The following TSHZ2 variants were observed in gnomAD, a reference collection of about 807,000 sequenced individuals.
The protein encoded by TSHZ2 is teashirt homolog 2.
A neutral mutation model predicts 74.4 loss-of-function variants in TSHZ2; 21 were observed. The observed-to-expected ratio is 0.28, with a 90% CI of 0.20 to 0.41. The LOEUF (loss-of-function observed/expected upper bound fraction) is 0.41. TSHZ2 is among the 10% of genes least tolerant of loss of function. TSHZ2 has a pLI of 1.00. For synonymous variants in TSHZ2, 540 were observed against 515.3 expected, an observed-to-expected ratio of 1.05 and a Z score of -0.65; for missense variants, 1,244 against 1,293.5, an observed-to-expected ratio of 0.96 and a Z score of 0.59.
At chr20:52,992,313 G>C (rs558866975) in intron 1 of TSHZ2, among the ~76,000 whole-genome samples, 141 of 152,296 alleles carry the variant, frequency 9.3e-4, no homozygotes, top group Middle Eastern at 6.8e-3. Flanking sequence ...GGAATATTTA[G>C]ATACCCCAGT....
intron 2 of TSHZ2, among the ~76,000 whole-genome samples, chr20:53,300,255 C>T (rs976656562): frequency 1.3e-5 from 2 of 152,144 alleles, no homozygotes; most frequent in East Asian, 1.9e-4. Context: ...AAATGTCAAA[C>T]CTTAGGATGT....
chr20:53,185,802 C>T, intron 1 of TSHZ2: 1 of 1,184,728 alleles, frequency 8.4e-7, no homozygotes, highest in African/African-American at 1.5e-5. Context: ...TAATCCCTTG[C>T]TTGTATCAGT....
chr20:53,051,898 G>A (rs948879541), intron 1 of TSHZ2, among the ~76,000 whole-genome samples: 1 of 152,196 alleles, frequency 6.6e-6, no homozygotes, highest in Non-Finnish European at 1.5e-5. Flanking sequence ...GTGGATGGAT[G>A]TGAAAACCGA....
intron 1 of TSHZ2, among the ~76,000 whole-genome samples, chr20:53,212,675 T>C (rs1989341164): frequency 6.6e-6 from 1 of 152,222 alleles, no homozygotes; most frequent in South Asian, 2.1e-4. Context: ...ATCTCAAGTG[T>C]GGCTGGATTC....
chr20:53,105,436 G>A (rs1196193917), intron 1 of TSHZ2, among the ~76,000 whole-genome samples: 1 of 152,056 alleles, frequency 6.6e-6, no homozygotes, highest in African/African-American at 2.4e-5. Context: ...ACTGCTTTCA[G>A]ATATTGCCAA....
In TSHZ2 at chr20:53,364,511, TCA is replaced by T. The variant is rs147682449; in HGVS notation, c.*8+107943_*8+107944del. ...GGGAAGAATGTAGAAAGAAAACAAA[TCA>T]CAGATTAGGATTACCCAGCCCCACT... is the stretch of plus-strand genomic sequence containing the variant. On this transcript the variant is annotated intron_variant, in intron 2 of 2. Coordinates refer to ENST00000371497, the MANE Select transcript of TSHZ2 (RefSeq NM_173485.6). Among the ~76,000 whole-genome samples the T allele has an allele frequency of 4.2e-3, 644 of 152,250 alleles. 8 individuals carry two copies. Among genetic ancestry groups the T allele is most frequent in the African/African-American group, 0.015 (621 of 41,552 alleles).
At chr20:53,082,180 A>G (rs765508651) in intron 1 of TSHZ2, among the ~76,000 whole-genome samples, 1 of 152,212 alleles carries the variant, frequency 6.6e-6, no homozygotes, top group Non-Finnish European at 1.5e-5. Flanking sequence ...GCCTTCACTC[A>G]AGATGACCCA....
In TSHZ2 at chr20:53,084,147, G is replaced by A. The variant is rs190103231; in HGVS notation, c.40+110814G>A. 4.5e-3 allele frequency among the ~76,000 whole-genome samples: 686 copies of A among 152,160 alleles called. 3 individuals carry two copies. The highest frequency in any genetic ancestry group is 0.016 in the African/African-American group (648 of 41,528). On this transcript the variant is annotated intron_variant, in intron 1 of 2. Transcript: ENST00000371497. ...TTATAACCCAGGAAAAGTAAAGAAC[G>A]ACAAAATACACAGCAATTACTCAAA...
chr20:53,483,062 CAGG>C (rs1986199841), intron 2 of TSHZ2, among the ~76,000 whole-genome samples: 1 of 152,186 alleles, frequency 6.6e-6, no homozygotes, highest in Admixed American at 6.5e-5. Context: ...TGGTGGGATC[CAGG>C]AGACTTCTCC....
chr20:53,332,417 G>T (rs2145551075), intron 2 of TSHZ2, among the ~76,000 whole-genome samples: 1 of 152,290 alleles, frequency 6.6e-6, no homozygotes, highest in East Asian at 1.9e-4. Flanking sequence ...GAAAAGGCAA[G>T]AAGAATGAAA....
rs537782815 is a variant in TSHZ2, at chr20:53,484,418, C to G, written c.*9-2726C>G. ...TTTTTTTTTTTAAGACAGAGTCTCACTCTGTTGCCCAAGCTGGAATGCAGT... is the reference window on the plus strand; with the variant it reads ...TTTTTTTTTTTAAGACAGAGTCTCAGTCTGTTGCCCAAGCTGGAATGCAGT... On this transcript the variant is annotated intron_variant, in intron 2 of 2. Transcript: ENST00000371497. 5.6e-5 allele frequency among the ~76,000 whole-genome samples: 8 copies of G among 143,480 alleles called. No individual in the cohort carries two copies. The East Asian group carries it at 1.0e-3, about 19-fold the overall frequency. 94.1% of individuals were successfully genotyped at this position (143,480 alleles called of 152,430 possible).
At chr20:53,375,643 A>G (rs1331685900) in intron 2 of TSHZ2, among the ~76,000 whole-genome samples, 1 of 151,734 alleles carries the variant, frequency 6.6e-6, no homozygotes, top group Admixed American at 6.6e-5. Flanking sequence ...TGCTTTTCCC[A>G]TCTCGGGGTG....
intron 2 of TSHZ2, among the ~76,000 whole-genome samples, chr20:53,435,725 G>A (rs998317526): frequency 6.6e-6 from 1 of 152,172 alleles, no homozygotes; most frequent in Non-Finnish European, 1.5e-5. Context: ...ATATTGGTCA[G>A]GCTGGTGTCG....
intron 2 of TSHZ2, among the ~76,000 whole-genome samples, chr20:53,418,043 G>A (rs941157180): frequency 5.3e-5 from 8 of 152,154 alleles, no homozygotes; most frequent in Admixed American, 2.6e-4. Flanking sequence ...AGTGTTTGAC[G>A]CCATAAGAGT....
intron 2 of TSHZ2, among the ~76,000 whole-genome samples, chr20:53,392,814 C>A (rs1982308264): frequency 6.6e-6 from 1 of 152,046 alleles, no homozygotes; most frequent in Non-Finnish European, 1.5e-5. Flanking sequence ...CCCAGGTAAT[C>A]AGCATAATAA....
intron 1 of TSHZ2, among the ~76,000 whole-genome samples, chr20:52,995,142 A>G (rs763616662): frequency 6.6e-6 from 1 of 152,146 alleles, no homozygotes. Context: ...CCTGTGATAC[A>G]TTTTCCAGCA....
chr20:52,977,545 T>A (rs548928321), intron 1 of TSHZ2, among the ~76,000 whole-genome samples: 1 of 151,826 alleles, frequency 6.6e-6, no homozygotes, highest in East Asian at 1.9e-4. Context: ...AAGGCAGATA[T>A]CTGAAAAAGG....
At chr20:53,210,662 T>C (rs1359532438) in intron 1 of TSHZ2, among the ~76,000 whole-genome samples, 1 of 151,960 alleles carries the variant, frequency 6.6e-6, no homozygotes, top group African/African-American at 2.4e-5. Flanking sequence ...AAAGCAACAC[T>C]TTGGGTGTAA....
chr20:53,478,524 AG>A (rs1473215433), intron 2 of TSHZ2, among the ~76,000 whole-genome samples: 1 of 71,274 alleles, frequency 1.4e-5, no homozygotes, highest in Non-Finnish European at 2.6e-5. Context: ...GGGTGGGGGG[AG>A]GGGGGAGGGA....
Sources: allele counts gnomAD v4.1 joint callset (sites outside exome capture counted in the v4.1 genomes callset), GRCh38; gene constraint gnomAD v4.1.1; transcripts MANE v1.5; gene names NCBI Gene and HGNC (gene_info 2026-07-23, HGNC 2026-07-21).